RALGPS2: variants seen among roughly 807,000 people sequenced by gnomAD.
The protein encoded by RALGPS2 is ras-specific guanine nucleotide-releasing factor RalGPS2.
RALGPS2 carries 43 observed loss-of-function variants against 86.8 expected under a neutral mutation model. That is an observed-to-expected ratio of 0.50 (90% CI 0.39 to 0.64). The LOEUF (loss-of-function observed/expected upper bound fraction) is 0.64. Ranked by LOEUF, RALGPS2 falls within the 30% of genes least tolerant of loss-of-function variation. RALGPS2 has a pLI of 0.00. For missense variants in RALGPS2, 536 were observed against 694.6 expected, an observed-to-expected ratio of 0.77 and a Z score of 2.57; for synonymous variants, 243 against 231.3, an observed-to-expected ratio of 1.05 and a Z score of -0.46.
At chr1:178,911,972 TC>T (rs1455711570) in intron 19 of RALGPS2, among the ~76,000 whole-genome samples, 2 of 152,208 alleles carry the variant, frequency 1.3e-5, no homozygotes, top group African/African-American at 4.8e-5. Flanking sequence ...CCCTTCTTTG[TC>T]CTTTTTGACC....
At chr1:178,794,232 T>G (rs1654088277) in intron 4 of RALGPS2, among the ~76,000 whole-genome samples, 1 of 152,170 alleles carries the variant, frequency 6.6e-6, no homozygotes, top group African/African-American at 2.4e-5. Context: ...TTCTCATGCT[T>G]CAGCCTCCAG....
At chr1:178,842,793 A>AACAAATTT (rs1386752564) in intron 8 of RALGPS2, among the ~76,000 whole-genome samples, 5 of 149,624 alleles carry the variant, frequency 3.3e-5, no homozygotes. Context: ...AGTGAACTCA[A>AACAAATTT]ACAAATTTAC....
intron 8 of RALGPS2, among the ~76,000 whole-genome samples, chr1:178,846,607 A>G (rs1424220554): frequency 6.6e-6 from 1 of 152,146 alleles, no homozygotes; most frequent in Non-Finnish European, 1.5e-5. Context: ...AGACTTCTGA[A>G]ATAAAAGAGC....
chr1:178,739,920 A>G (rs1177299182), intron 1 of RALGPS2, among the ~76,000 whole-genome samples: 4 of 152,222 alleles, frequency 2.6e-5, no homozygotes, highest in Non-Finnish European at 4.4e-5. Flanking sequence ...TCATTCCAAT[A>G]TGGCCTAACA....
At chr1:178,915,006 T>G (rs527735957) in intron 19 of RALGPS2, among the ~76,000 whole-genome samples, 1 of 152,282 alleles carries the variant, frequency 6.6e-6, no homozygotes, top group South Asian at 2.1e-4. Context: ...ATATACCAGC[T>G]TAAAGGTTCA....
chr1:178,892,104 C>G (rs1189454192), intron 14 of RALGPS2, 126 bp from the exon 15 acceptor site: 3 of 922,342 alleles, frequency 3.3e-6, no homozygotes, highest in Non-Finnish European at 4.8e-6. Context: ...CAATCACATA[C>G]TATCCTTTTG....
At chr1:178,775,431 A>G (rs1653030783) in intron 1 of RALGPS2, among the ~76,000 whole-genome samples, 1 of 152,116 alleles carries the variant, frequency 6.6e-6, no homozygotes, top group Non-Finnish European at 1.5e-5. Context: ...GACACTTACC[A>G]TTTCTCTTAT....
At chr1:178,795,911 A>G (rs1048581103) in intron 4 of RALGPS2, among the ~76,000 whole-genome samples, 8 of 152,200 alleles carry the variant, frequency 5.3e-5, no homozygotes, top group Non-Finnish European at 1.0e-4. Flanking sequence ...AAATTAAAAT[A>G]TAAACAATTA....
At chr1:178,759,661 G>C (rs1558106136) in intron 1 of RALGPS2, among the ~76,000 whole-genome samples, 1 of 150,976 alleles carries the variant, frequency 6.6e-6, no homozygotes. Context: ...GCATTGCCTT[G>C]AATCTGTAGA....
intron 19 of RALGPS2, among the ~76,000 whole-genome samples, chr1:178,912,665 C>T (rs1471732421): frequency 6.6e-6 from 1 of 152,068 alleles, no homozygotes; most frequent in Non-Finnish European, 1.5e-5. Flanking sequence ...CTTGGGGATG[C>T]TCATCTTGTA....
intron 7 of RALGPS2, 126 bp from the exon 8 acceptor site, chr1:178,833,298 A>G (rs567243330): frequency 4.5e-6 from 4 of 888,358 alleles, no homozygotes; most frequent in East Asian, 7.2e-5. Context: ...CTACCAAGAT[A>G]TAATTAAAGA....
intron 8 of RALGPS2, chr1:178,865,614 C>T (rs1658352339): frequency 6.2e-7 from 1 of 1,613,852 alleles, no homozygotes; most frequent in Admixed American, 1.7e-5. Context: ...TGTTCAGGTA[C>T]CAGGAATGTG....
At chr1:178,868,945 TTTACTG>T (rs1193606170) in intron 8 of RALGPS2, among the ~76,000 whole-genome samples, 1 of 152,018 alleles carries the variant, frequency 6.6e-6, no homozygotes, top group African/African-American at 2.4e-5. Flanking sequence ...TAAAAATACA[TTTACTG>T]TTATGTTTTC....
At chr1:178,768,274 C>G (rs1652612469) in intron 1 of RALGPS2, among the ~76,000 whole-genome samples, 1 of 152,116 alleles carries the variant, frequency 6.6e-6, no homozygotes, top group Non-Finnish European at 1.5e-5. Flanking sequence ...GGTGCAGAAT[C>G]CTTGTGTTGG....
At chr1:178,816,762 A>G (rs1655249692) in intron 6 of RALGPS2, among the ~76,000 whole-genome samples, 1 of 150,664 alleles carries the variant, frequency 6.6e-6, no homozygotes, top group African/African-American at 2.4e-5. Flanking sequence ...AGGCTGGTGC[A>G]CAATGGCGCA....
At chr1:178,772,125 C>T (rs1315465518) in intron 1 of RALGPS2, among the ~76,000 whole-genome samples, 1 of 152,206 alleles carries the variant, frequency 6.6e-6, no homozygotes, top group Non-Finnish European at 1.5e-5. Flanking sequence ...TTTCTCTGAC[C>T]ATTCCTAGGT....
At chr1:178,909,188 C>T (rs1572474690) in intron 19 of RALGPS2, among the ~76,000 whole-genome samples, 1 of 152,086 alleles carries the variant, frequency 6.6e-6, no homozygotes, top group South Asian at 2.1e-4. Flanking sequence ...TTTTTGTCAG[C>T]TTTGTCAAAG....
chr1:178,777,618 C>A (rs879378853), intron 2 of RALGPS2, among the ~76,000 whole-genome samples: 12 of 150,626 alleles, frequency 8.0e-5, no homozygotes, highest in South Asian at 2.1e-4. Context: ...AAGCTGGAGG[C>A]ATCACACTAC....
At chr1:178,755,836 G>A (rs1035323319) in intron 1 of RALGPS2, among the ~76,000 whole-genome samples, 1 of 151,978 alleles carries the variant, frequency 6.6e-6, no homozygotes, top group Non-Finnish European at 1.5e-5. Flanking sequence ...TTTCTCCATA[G>A]CCTCCAACAT....
Sources: allele counts gnomAD v4.1 joint callset (sites outside exome capture counted in the v4.1 genomes callset), GRCh38; gene constraint gnomAD v4.1.1; transcripts MANE v1.5; gene names NCBI Gene and HGNC (gene_info 2026-07-23, HGNC 2026-07-21).